Variants in EXOC6 observed in about 807,000 individuals in gnomAD.
The protein encoded by EXOC6 is SEC15-like 1.
A neutral mutation model predicts 112.5 loss-of-function variants in EXOC6; 60 were observed. That is an observed-to-expected ratio of 0.53 (90% CI 0.43 to 0.66). EXOC6 has a LOEUF of 0.66. Ranked by LOEUF, EXOC6 falls within the 30% of genes least tolerant of loss-of-function variation. The pLI is 0.00. For missense variants in EXOC6, 855 were observed against 957.1 expected, an observed-to-expected ratio of 0.89 and a Z score of 1.41; for synonymous variants, 295 against 308.0, an observed-to-expected ratio of 0.96 and a Z score of 0.44.
intron 1 of EXOC6, among the ~76,000 whole-genome samples, chr10:92,843,163 T>G (rs190786282): frequency 9.9e-5 from 15 of 152,236 alleles, no homozygotes; most frequent in African/African-American, 3.6e-4. Context: ...TTCTCCACCG[T>G]GGGGTCCAGA....
upstream of EXOC6, among the ~76,000 whole-genome samples, chr10:92,832,988 T>C (rs1846539568): frequency 6.6e-6 from 1 of 152,194 alleles, no homozygotes; most frequent in South Asian, 2.1e-4. Context: ...AAAATTATTA[T>C]TTTTTGTCAA....
At chr10:92,974,722 C>G (rs1366409434) in intron 18 of EXOC6, among the ~76,000 whole-genome samples, 2 of 152,226 alleles carry the variant, frequency 1.3e-5, no homozygotes, top group Non-Finnish European at 2.9e-5. Context: ...CACGCCACCA[C>G]GCCTGACTGG....
chr10:92,843,896 G>C (rs143868633), upstream of EXOC6, among the ~76,000 whole-genome samples: 493 of 144,428 alleles, frequency 3.4e-3, 3 homozygotes, highest in African/African-American at 0.012. Context: ...AGAACTGCTT[G>C]AACCTTGGAG....
At chr10:92,870,323 T>A (rs183477027) in intron 1 of EXOC6, among the ~76,000 whole-genome samples, 1 of 152,310 alleles carries the variant, frequency 6.6e-6, no homozygotes, top group Non-Finnish European at 1.5e-5. Flanking sequence ...ATACTGCTTT[T>A]ATTAGCAAGA....
chr10:92,858,414 T>G (rs1281743132), intron 1 of EXOC6, among the ~76,000 whole-genome samples: 7 of 152,088 alleles, frequency 4.6e-5, no homozygotes, highest in Admixed American at 6.5e-5. Context: ...TCCTTATTCT[T>G]TTTTCTCTCC....
intron 17 of EXOC6, among the ~76,000 whole-genome samples, chr10:92,957,527 C>G (rs1303079582): frequency 1.3e-5 from 2 of 152,192 alleles, no homozygotes; most frequent in Non-Finnish European, 2.9e-5. Context: ...TCATTGCATA[C>G]TCCTTGGTGT....
At chr10:93,024,028 G>A (rs911934702) in intron 20 of EXOC6, among the ~76,000 whole-genome samples, 1 of 152,082 alleles carries the variant, frequency 6.6e-6, no homozygotes, top group African/African-American at 2.4e-5. Context: ...CACTTTCATA[G>A]CTTCTAACGG....
intron 6 of EXOC6, 35 bp from the exon 7 acceptor site, chr10:92,915,723 T>C: frequency 6.9e-7 from 1 of 1,458,542 alleles, no homozygotes. Flanking sequence ...ATAATCAGTT[T>C]TGAAATAATC....
At position 92,935,871 on chromosome 10, in the gene EXOC6, G is replaced by A. The variant is rs774953040; in HGVS notation, c.1198G>A (p.Ala400Thr). The A allele has an allele frequency of 1.2e-6, 2 of 1,601,830 alleles. No individual in the cohort carries two copies. Among genetic ancestry groups the A allele is most frequent in the African/African-American group, 1.3e-5 (1 of 74,466 alleles). Residue 400 changes from alanine (A) to threonine (T), a missense_variant, in exon 12 of 22, where the codon GCA (alanine) becomes ACA (threonine). Around this residue, in one of 2 missense-constraint regions of EXOC6, gnomAD observed 450 missense variants for 563.5 expected, o/e 0.80. Coordinates refer to ENST00000260762, the MANE Select transcript of EXOC6 (RefSeq NM_019053.6). ...LELKNLTVIF[A>T]DTLQGYGFPV... Reference sequence around the variant, plus strand: ...GCTGAAGAATCTTACTGTAATATTTGCAGATACTTTACAGGTGGGTGATAA... The same window carrying A: ...GCTGAAGAATCTTACTGTAATATTTACAGATACTTTACAGGTGGGTGATAA...
chr10:92,911,422 A>G (rs2133877317), intron 6 of EXOC6, among the ~76,000 whole-genome samples: 1 of 152,346 alleles, frequency 6.6e-6, no homozygotes, highest in East Asian at 1.9e-4. Context: ...AGCGCTTGGT[A>G]AATTTTTTCA....
intron 20 of EXOC6, among the ~76,000 whole-genome samples, chr10:93,023,119 T>G (rs200643552): frequency 4.0e-5 from 1 of 25,260 alleles, no homozygotes; most frequent in Non-Finnish European, 5.5e-5. Flanking sequence ...TGCTTCTGTT[T>G]TTTTTTAGTT....
chr10:92,873,924 A>G (rs751125369), intron 1 of EXOC6, among the ~76,000 whole-genome samples: 1 of 151,946 alleles, frequency 6.6e-6, no homozygotes, highest in Non-Finnish European at 1.5e-5. Context: ...GTGTTGGTAC[A>G]TGCTTGTAAT....
At chr10:92,861,835 A>G (rs1275958662) in intron 1 of EXOC6, among the ~76,000 whole-genome samples, 3 of 152,252 alleles carry the variant, frequency 2.0e-5, no homozygotes, top group Non-Finnish European at 4.4e-5. Flanking sequence ...GGTGTTTTAA[A>G]AAAATAATTT....
Position 92,923,918 on chromosome 10 carries a change from G to C in EXOC6, c.888+3868G>C, listed in dbSNP as rs149699938. On this transcript the variant is annotated intron_variant, in intron 8 of 21. Transcript: ENST00000260762. ...TGTCTTGAGGTGTAAAAGCTTCCAG[G>C]GTGCCAAATAAAGGAGAAGTCTCCT... is the stretch of plus-strand genomic sequence containing the variant. Among the ~76,000 whole-genome samples the C allele has an allele frequency of 7.9e-5, 12 of 152,142 alleles. No homozygotes were observed. The East Asian group carries it at 2.3e-3, about 29-fold the overall frequency.
chr10:93,000,154 G>A lies in EXOC6; in HGVS notation c.2095+2539G>A, dbSNP rs1462496500. ...CCCCCATGGGTAAGAGGGGATTACT[G>A]TATTACATCTTTAGTATGGCTTCAA... is the stretch of plus-strand genomic sequence containing the variant. On this transcript the variant is annotated intron_variant, in intron 19 of 21. Transcript: ENST00000260762. Among the ~76,000 whole-genome samples the A allele has an allele frequency of 3.3e-5, 5 of 152,332 alleles. No individual in the cohort carries two copies. In the South Asian group the frequency reaches 6.2e-4, roughly 19 times the overall value.
At chr10:93,016,357 T>A (rs1590046639) in intron 20 of EXOC6, among the ~76,000 whole-genome samples, 1 of 151,856 alleles carries the variant, frequency 6.6e-6, no homozygotes, top group Non-Finnish European at 1.5e-5. Flanking sequence ...ACCAGGCTGG[T>A]CTCGAACTCC....
At chr10:92,955,899 A>G (rs1037430951) in intron 17 of EXOC6, among the ~76,000 whole-genome samples, 185 bp downstream of exon 17, 3 of 152,182 alleles carry the variant, frequency 2.0e-5, no homozygotes, top group Admixed American at 2.0e-4. Flanking sequence ...TCTTATTAAC[A>G]TGGAGAAAAG....
At chr10:92,979,896 C>CAAA (rs5787028) in intron 18 of EXOC6, among the ~76,000 whole-genome samples, 7 of 84,410 alleles carry the variant, frequency 8.3e-5, no homozygotes, top group Non-Finnish European at 1.2e-4. Context: ...GACACTGTCT[C>CAAA]AAAAAAAAAA....
At chr10:92,866,346 T>G (rs1848175803) in intron 1 of EXOC6, among the ~76,000 whole-genome samples, 2 of 152,130 alleles carry the variant, frequency 1.3e-5, no homozygotes, top group African/African-American at 4.8e-5. Flanking sequence ...AACATTCCTT[T>G]TATACCTTCT....
Sources: gnomAD v4.1 joint callset for allele counts (sites outside exome capture counted in the v4.1 genomes callset) on GRCh38, gnomAD v4.1.1 for gene constraint, gnomAD v4.1.1 regional missense constraint, MANE v1.5 for transcripts, NCBI Gene and HGNC (gene_info 2026-07-23, HGNC 2026-07-21) for gene names.